Variants in OGDH observed in about 807,000 individuals in gnomAD.
OGDH encodes the protein 2-oxoglutarate dehydrogenase complex component E1.
A neutral mutation model predicts 116.6 loss-of-function variants in OGDH; 38 were observed. That is an observed-to-expected ratio of 0.33 (90% CI 0.25 to 0.43). The LOEUF is 0.43. Among genes scored for constraint, OGDH ranks in the 20% least tolerant of loss-of-function variants. The pLI, the probability that OGDH is intolerant of heterozygous loss-of-function variation, is 1.00. For missense variants in OGDH, 825 were observed against 1,357.2 expected (o/e 0.61, Z 6.16); for synonymous variants, 488 against 533.3 (o/e 0.92, Z 1.17).
rs1402517292 is a variant in OGDH, at chr7:44,647,676, C to A, written c.434C>A (p.Ala145Glu). 1 of 1,613,916 alleles carries A rather than the reference C, an allele frequency of 6.2e-7. No individual in the cohort carries two copies. Among genetic ancestry groups the A allele is most frequent in the East Asian group, 2.2e-5 (1 of 44,878 alleles). The change falls in exon 4 of 23, where the codon GCA becomes GAA. Residue 145 changes from alanine to glutamate, a missense_variant. Physicochemically the swap from Ala to Glu is moderately radical, Grantham distance 107. This residue lies in a region of OGDH where 171 missense variants were observed against 276.8 expected (regional missense o/e 0.62). Coordinates refer to ENST00000222673, the MANE Select transcript of OGDH (RefSeq NM_002541.4). ...RAYQIRGHHV[A>E]QLDPLGILDA... is the part of the protein sequence containing the mutation. Reference sequence around the variant, plus strand: ...TCATAGATACGAGGGCACCATGTAGCACAGCTGGACCCCCTGGGGATTTTG... The same window carrying A: ...TCATAGATACGAGGGCACCATGTAGAACAGCTGGACCCCCTGGGGATTTTG...
intron 9 of OGDH, among the ~76,000 whole-genome samples, chr7:44,678,726 G>A (rs1787803520): frequency 6.6e-6 from 1 of 152,170 alleles, no homozygotes; most frequent in Non-Finnish European, 1.5e-5. Context: ...GTCAGTGTGG[G>A]GTCATTGCAG....
chr7:44,704,836 A>G (rs1788991717), intron 20 of OGDH, among the ~76,000 whole-genome samples: 1 of 151,188 alleles, frequency 6.6e-6, no homozygotes, highest in Non-Finnish European at 1.5e-5. Flanking sequence ...TCAGCCTCCC[A>G]AGTAGCTGGG....
At chr7:44,659,210 T>A (rs534683501) in intron 4 of OGDH, among the ~76,000 whole-genome samples, 1 of 152,354 alleles carries the variant, frequency 6.6e-6, no homozygotes, top group South Asian at 2.1e-4. Context: ...TGTCGTGGAT[T>A]GTATTGATTG....
chr7:44,628,402 T>C (rs1361237623), intron 2 of OGDH, among the ~76,000 whole-genome samples: 1 of 151,828 alleles, frequency 6.6e-6, no homozygotes, highest in Non-Finnish European at 1.5e-5. Context: ...CATTTGGTTT[T>C]ACACTTTATA....
Position 44,696,180 on chromosome 7 carries a change from G to C in OGDH, c.1771+53G>C. 3.9e-6 allele frequency: 5 copies of C among 1,294,588 alleles called. No individual in the cohort carries two copies. In the South Asian group the frequency reaches 6.0e-5, roughly 15 times the overall value. 80.2% of individuals were successfully genotyped at this position (1,294,588 alleles called of 1,614,324 possible). A position where few individuals can be genotyped will look rare whatever the true frequency, so the allele number is the denominator to read the frequency against. ...AGCTCCTTTGAGGATCTGATGTAACGAGGCATCCTCTTCCCAGAAAAAATT... is the reference window on the plus strand; with the variant it reads ...AGCTCCTTTGAGGATCTGATGTAACCAGGCATCCTCTTCCCAGAAAAAATT... On this transcript the variant is annotated intron_variant, in intron 13 of 22. Coordinates refer to ENST00000222673, the MANE Select transcript of OGDH (RefSeq NM_002541.4).
At chr7:44,634,926 A>T (rs766529021) in intron 2 of OGDH, among the ~76,000 whole-genome samples, 5 of 152,216 alleles carry the variant, frequency 3.3e-5, no homozygotes, top group African/African-American at 9.6e-5. Flanking sequence ...AGTCTCCCCA[A>T]TAGGGAGTAC....
intron 2 of OGDH, among the ~76,000 whole-genome samples, chr7:44,640,150 C>G (rs376488278): frequency 6.6e-6 from 1 of 152,144 alleles, no homozygotes; most frequent in South Asian, 2.1e-4. Context: ...GCTGGAAATT[C>G]CTTTCATTTT....
At chr7:44,634,433 A>G (rs1318951407) in intron 2 of OGDH, among the ~76,000 whole-genome samples, 3 of 152,222 alleles carry the variant, frequency 2.0e-5, no homozygotes, top group African/African-American at 7.2e-5. Context: ...AGTCTAGTGC[A>G]GAATCCCAGC....
At chr7:44,699,965 C>A (rs994791072) in intron 18 of OGDH, among the ~76,000 whole-genome samples, 176 bp from the exon 19 acceptor site, 1 of 152,152 alleles carries the variant, frequency 6.6e-6, no homozygotes, top group Admixed American at 6.6e-5. Flanking sequence ...GGGGATGGCC[C>A]AAGCTCTAAT....
intron 4 of OGDH, among the ~76,000 whole-genome samples, chr7:44,663,785 C>A (rs1001744126): frequency 6.6e-6 from 1 of 151,928 alleles, no homozygotes; most frequent in East Asian, 1.9e-4. Context: ...AAAAAAATTA[C>A]AAAAACTAGC....
chr7:44,622,931 A>T (rs1467844739), intron 1 of OGDH: 1 of 152,200 alleles, frequency 6.6e-6, no homozygotes, highest in Non-Finnish European at 1.5e-5. Flanking sequence ...TGCCTGCCTT[A>T]TTGGGAGCCT....
In OGDH at chr7:44,697,463, G is replaced by A. The variant is rs144282315; in HGVS notation, c.2145G>A (p.Val715=). 328 of 1,614,180 alleles carry A rather than the reference G, an allele frequency of 2.0e-4. No individual in the cohort carries two copies. In the African/African-American group the frequency reaches 3.8e-3, roughly 19 times the overall value. The part of the protein sequence containing the change: ...HLWPNQAPYT[V]CNSSLSEYGV... ...GGCCCAATCAGGCCCCCTATACTGTGTGCAACAGCTCACTGTCTGAGTACG... is the reference window on the plus strand; with the variant it reads ...GGCCCAATCAGGCCCCCTATACTGTATGCAACAGCTCACTGTCTGAGTACG... The change falls in exon 16 of 23, where the codon GTG becomes GTA. Residue 715 remains valine (V), a synonymous_variant. Transcript: ENST00000222673. This position sits in a 1 kb window ranked among gnomAD's most constrained non-coding sequence, Gnocchi z 6.0.
At chr7:44,658,451 G>A (rs1028196622) in intron 4 of OGDH, among the ~76,000 whole-genome samples, 5 of 145,226 alleles carry the variant, frequency 3.4e-5, no homozygotes, top group African/African-American at 5.0e-5. Flanking sequence ...TCATTCTAGG[G>A]CTTTTTTTTT....
At chr7:44,654,922 G>C (rs1786620549) in intron 4 of OGDH, among the ~76,000 whole-genome samples, 1 of 152,154 alleles carries the variant, frequency 6.6e-6, no homozygotes, top group South Asian at 2.1e-4. Flanking sequence ...AAAGCACTCA[G>C]GTGTTGGAAA....
intron 4 of OGDH, among the ~76,000 whole-genome samples, chr7:44,652,869 C>T (rs1220576866): frequency 6.6e-6 from 1 of 151,972 alleles, no homozygotes; most frequent in African/African-American, 2.4e-5. Flanking sequence ...GGTAGGAGGG[C>T]TCCTAGGGAG....
intron 4 of OGDH, among the ~76,000 whole-genome samples, chr7:44,658,289 A>G (rs531579328): frequency 6.6e-6 from 1 of 152,042 alleles, no homozygotes; most frequent in South Asian, 2.1e-4. Context: ...AGCTTTTTGT[A>G]GTTTTCAGCA....
chr7:44,649,920 A>G (rs927592945), intron 4 of OGDH, among the ~76,000 whole-genome samples: 1 of 152,150 alleles, frequency 6.6e-6, no homozygotes, highest in African/African-American at 2.4e-5. Context: ...CAACAACATC[A>G]TGGTGAGGGT....
chr7:44,689,208 CT>C lies in OGDH; in HGVS notation c.1336-4592del, dbSNP rs367897508. Among the ~76,000 whole-genome samples, 854 of 101,280 alleles carry C rather than the reference CT, an allele frequency of 8.4e-3. 2 individuals carry two copies. Among genetic ancestry groups the C allele is most frequent in the East Asian group, 0.019 (68 of 3,488 alleles). The allele number at this position is 101,280 out of a possible 152,430, so 66.4% of individuals were successfully genotyped here. ...TCCCACTGGAAATATATCAGGGTTCCTTTTTTTTTTTTTTTTTTTTTTTTTG... is the reference window on the plus strand; with the variant it reads ...TCCCACTGGAAATATATCAGGGTTCCTTTTTTTTTTTTTTTTTTTTTTTTG... On this transcript the variant is annotated intron_variant, in intron 10 of 22. Coordinates refer to ENST00000222673, the MANE Select transcript of OGDH (RefSeq NM_002541.4).
At chr7:44,649,246 T>TG (rs1786328563) in intron 4 of OGDH, among the ~76,000 whole-genome samples, 1 of 60,942 alleles carries the variant, frequency 1.6e-5, no homozygotes, top group Non-Finnish European at 2.8e-5. Context: ...TTTTCTGTTG[T>TG]TTTTTTTTTT....
Sources: gnomAD v4.1 joint callset for allele counts (sites outside exome capture counted in the v4.1 genomes callset) on GRCh38, gnomAD v4.1.1 for gene constraint, gnomAD v4.1.1 regional missense constraint, Gnocchi (gnomAD v3.1) non-coding constraint, MANE v1.5 for transcripts, NCBI Gene and HGNC (gene_info 2026-07-23, HGNC 2026-07-21) for gene names.